ERBB4: variants seen among roughly 807,000 people sequenced by gnomAD.
ERBB4 encodes receptor tyrosine-protein kinase erbB-4.
A neutral mutation model predicts 158.0 loss-of-function variants in ERBB4; 42 were observed. The observed-to-expected ratio is 0.27, with a 90% CI of 0.21 to 0.34. The LOEUF (loss-of-function observed/expected upper bound fraction) is 0.34. Among genes scored for constraint, ERBB4 ranks in the 10% least tolerant of loss-of-function variants. The probability of loss-of-function intolerance (pLI) is 1.00; values close to 1 mark genes in which losing one functional copy is unlikely to be tolerated. For synonymous variants in ERBB4, 583 were observed against 558.7 expected (o/e 1.04, Z -0.61); for missense variants, 1,333 against 1,624.1 (o/e 0.82, Z 3.08).
chr2:211,453,346 C>T (rs747819568), intron 20 of ERBB4, among the ~76,000 whole-genome samples: 28 of 152,120 alleles, frequency 1.8e-4, no homozygotes, highest in South Asian at 4.1e-4. Flanking sequence ...AGGGTCACTA[C>T]GTAACACAAC....
intron 19 of ERBB4, among the ~76,000 whole-genome samples, chr2:211,601,320 A>G (rs935068105): frequency 6.6e-6 from 1 of 152,118 alleles, no homozygotes; most frequent in African/African-American, 2.4e-5. Flanking sequence ...AAGGTCCAGC[A>G]TATAATTAGT....
chr2:211,794,821 C>T lies in ERBB4; in HGVS notation c.422-6662G>A, dbSNP rs143549465. On this transcript the variant is annotated intron_variant, in intron 3 of 27. Transcript: ENST00000342788. ...TTATATAATCCCATACGTGTGTCAA[C>T]GTCTAACTTTTTTCTAATAATTTTC... 7.4e-4 allele frequency among the ~76,000 whole-genome samples: 112 copies of T among 151,916 alleles called. 1 individual carries two copies. The highest frequency in any genetic ancestry group is 2.3e-3 in the African/African-American group (95 of 41,514).
chr2:212,173,837 C>G (rs1048197990), intron 1 of ERBB4, among the ~76,000 whole-genome samples: 1 of 151,870 alleles, frequency 6.6e-6, no homozygotes, highest in Non-Finnish European at 1.5e-5. Flanking sequence ...TGCATACAGC[C>G]AAAGAGATAA....
intron 1 of ERBB4, among the ~76,000 whole-genome samples, chr2:212,198,733 C>CT (rs11448093): frequency 0.4 from 38,945 of 96,410 alleles, 7,896 homozygotes; most frequent in African/African-American, 0.47. Context: ...TCACCACGCC[C>CT]TTTTTTTTTT....
intron 1 of ERBB4, among the ~76,000 whole-genome samples, chr2:212,335,465 T>C (rs1390625283): frequency 6.6e-6 from 1 of 151,908 alleles, no homozygotes; most frequent in Non-Finnish European, 1.5e-5. Context: ...ATTTAGAAAA[T>C]TGCATCTATG....
rs568575861 is a variant in ERBB4 at position 211,889,586 on chromosome 2, CT to C, written c.421+57843del. Among the ~76,000 whole-genome samples, 13 of 151,486 alleles carry C rather than the reference CT, an allele frequency of 8.6e-5. No individual in the cohort carries two copies. The South Asian group carries it at 2.5e-3, about 29-fold the overall frequency. On this transcript the variant is annotated intron_variant, in intron 3 of 27. Coordinates refer to ENST00000342788, the MANE Select transcript of ERBB4 (RefSeq NM_005235.3). ...ACTTTGACGAGCTGAGAGAAGAAGG[CT>C]TCAGACGATCAAATTACTCCGAGCT...
chr2:211,789,820 C>T (rs2106322206), intron 3 of ERBB4, among the ~76,000 whole-genome samples: 1 of 152,106 alleles, frequency 6.6e-6, no homozygotes, highest in East Asian at 1.9e-4. Context: ...CGTGTCACAC[C>T]ACAAGAGGGT....
rs186733921 is a variant in ERBB4, at chr2:211,376,271, G to A, written c.*7344C>T. 7.3e-3 allele frequency: 1,701 copies of A among 232,866 alleles called. 20 individuals carry two copies. The highest frequency in any genetic ancestry group is 0.019 in the South Asian group (104 of 5,514). The allele number at this position is 232,866 out of a possible 1,614,324, so 14.4% of individuals were successfully genotyped here. On this transcript the variant is annotated 3_prime_UTR_variant, in exon 28 of 28. Coordinates refer to ENST00000342788, the MANE Select transcript of ERBB4 (RefSeq NM_005235.3). ...TCCAACCAAAAAAGAAACAATCACA[G>A]GCCAATTACTTATATACAAATCAAC... is the stretch of plus-strand genomic sequence containing the variant.
Position 211,481,162 on chromosome 2 carries a change from A to G in ERBB4, c.2488-50062T>C, listed in dbSNP as rs1440629478. On this transcript the variant is annotated intron_variant, in intron 20 of 27. Coordinates refer to ENST00000342788, the MANE Select transcript of ERBB4 (RefSeq NM_005235.3). ...AGAAACATTAGTAAAAAGTGATTGAATACCACTTTGAACTTAGAACAAAGC... is the reference window on the plus strand; with the variant it reads ...AGAAACATTAGTAAAAAGTGATTGAGTACCACTTTGAACTTAGAACAAAGC... Among the ~76,000 whole-genome samples the G allele has an allele frequency of 6.6e-5, 10 of 152,318 alleles. No homozygotes were observed. In the East Asian group the frequency reaches 1.7e-3, roughly 26 times the overall value.
chr2:212,164,771 TCTTTA>T (rs2081299126), intron 1 of ERBB4, among the ~76,000 whole-genome samples: 1 of 152,078 alleles, frequency 6.6e-6, no homozygotes. Context: ...TCTTGTCATT[TCTTTA>T]AAGAAGAATT....
At chr2:212,180,522 G>A (rs1246581130) in intron 1 of ERBB4, among the ~76,000 whole-genome samples, 1 of 151,514 alleles carries the variant, frequency 6.6e-6, no homozygotes, top group East Asian at 1.9e-4. Flanking sequence ...AACATGACAG[G>A]TTTATATTTA....
In ERBB4 at chr2:211,389,020, C is replaced by T. The variant is rs557970045; in HGVS notation, c.3136-1028G>A. Among the ~76,000 whole-genome samples the T allele has an allele frequency of 5.3e-5, 8 of 151,940 alleles. No individual in the cohort carries two copies. In the South Asian group the frequency reaches 1.7e-3, roughly 32 times the overall value. On this transcript the variant is annotated intron_variant, in intron 25 of 27. Transcript: ENST00000342788. ...TGACTAAAATAAACCTCTAAGATAC[C>T]TTACATCTTGTTTGTTTGTTTGTTT... is the stretch of plus-strand genomic sequence containing the variant.
intron 16 of ERBB4, among the ~76,000 whole-genome samples, chr2:211,644,482 A>G (rs2070714611): frequency 6.6e-6 from 1 of 152,042 alleles, no homozygotes; most frequent in South Asian, 2.1e-4. Flanking sequence ...TAAGCATTTC[A>G]AACAACATTG....
At chr2:211,693,502 C>T (rs1003132487) in intron 12 of ERBB4, among the ~76,000 whole-genome samples, 2 of 152,054 alleles carry the variant, frequency 1.3e-5, no homozygotes, top group Non-Finnish European at 2.9e-5. Flanking sequence ...AATTTTCCTA[C>T]AAGGGAACAC....
chr2:211,412,496 T>C (rs2063283989), intron 25 of ERBB4, among the ~76,000 whole-genome samples: 1 of 152,218 alleles, frequency 6.6e-6, no homozygotes, highest in African/African-American at 2.4e-5. Context: ...CTTTTTCCTA[T>C]AATTCCTGGC....
intron 1 of ERBB4, among the ~76,000 whole-genome samples, chr2:212,450,594 T>C (rs2092431227): frequency 6.6e-6 from 1 of 152,140 alleles, no homozygotes; most frequent in East Asian, 1.9e-4. Flanking sequence ...TTTAGTCTAA[T>C]GAAACCCATT....
chr2:211,933,542 T>C (rs1347796999), intron 3 of ERBB4, among the ~76,000 whole-genome samples: 1 of 152,090 alleles, frequency 6.6e-6, no homozygotes, highest in Non-Finnish European at 1.5e-5. Context: ...GTTTATTTTC[T>C]TCCCACTGAT....
At chr2:211,943,569 C>T (rs1397123321) in intron 3 of ERBB4, among the ~76,000 whole-genome samples, 1 of 152,036 alleles carries the variant, frequency 6.6e-6, no homozygotes, top group Non-Finnish European at 1.5e-5. Context: ...GAAAGTAAGG[C>T]AGTGTTAACA....
chr2:211,481,819 G>A (rs1286419160), intron 20 of ERBB4, among the ~76,000 whole-genome samples: 3 of 152,032 alleles, frequency 2.0e-5, no homozygotes, highest in Non-Finnish European at 2.9e-5. Flanking sequence ...TTAGGCTTCT[G>A]GTTAAGATGG....
Sources: allele counts gnomAD v4.1 joint callset (sites outside exome capture counted in the v4.1 genomes callset), GRCh38; gene constraint gnomAD v4.1.1; transcripts MANE v1.5; gene names NCBI Gene and HGNC (gene_info 2026-07-23, HGNC 2026-07-21).